The following CARMIL1 variants were observed in gnomAD, a reference collection of about 807,000 sequenced individuals.
CARMIL1 encodes the protein F-actin-uncapping protein LRRC16A.
CARMIL1 carries 90 observed loss-of-function variants against 177.1 expected under a neutral mutation model. The ratio of observed to expected loss-of-function variants is 0.51; its 90% confidence interval spans 0.43 to 0.61. CARMIL1 has a LOEUF of 0.61. Ranked by LOEUF, CARMIL1 falls within the 20% of genes least tolerant of loss-of-function variation. The pLI, the probability that CARMIL1 is intolerant of heterozygous loss-of-function variation, is 0.00. For synonymous variants in CARMIL1, 577 were observed against 606.2 expected, an observed-to-expected ratio of 0.95 and a Z score of 0.71; for missense variants, 1,380 against 1,667.0, an observed-to-expected ratio of 0.83 and a Z score of 3.00.
Position 25,488,561 on chromosome 6 carries a change from C to T in CARMIL1, c.1041C>T (p.Asn347=), listed in dbSNP as rs768561312. ...STLVHLDLSG[N]VLRGDDLSHM... is the part of the protein sequence containing the mutation. ...TTGTCCACCTCGACCTCTCAGGGAACGTCCTTCGTGGAGATGACCTCTCAG... is the reference window on the plus strand; with the variant it reads ...TTGTCCACCTCGACCTCTCAGGGAATGTCCTTCGTGGAGATGACCTCTCAG... The change falls in exon 13 of 37, where the codon AAC becomes AAT. Residue 347 remains asparagine, a synonymous_variant. Coordinates refer to ENST00000329474, the MANE Select transcript of CARMIL1 (RefSeq NM_017640.6). 2.1e-5 allele frequency: 34 copies of T among 1,613,776 alleles called. No homozygotes were observed. The highest frequency in any genetic ancestry group is 3.3e-5 in the South Asian group (3 of 91,090).
intron 29 of CARMIL1, among the ~76,000 whole-genome samples, chr6:25,565,129 A>G (rs1811440258): frequency 6.6e-6 from 1 of 152,254 alleles, no homozygotes; most frequent in Admixed American, 6.5e-5. Flanking sequence ...AAGACAGAAC[A>G]GTGCAATTTG....
At chr6:25,313,435 A>G (rs1054418897) in intron 2 of CARMIL1, among the ~76,000 whole-genome samples, 4 of 152,026 alleles carry the variant, frequency 2.6e-5, no homozygotes, top group Admixed American at 2.6e-4. Flanking sequence ...TGCTATCCTT[A>G]TCATTTTATA....
intron 8 of CARMIL1, chr6:25,465,658 T>G (rs576868873): frequency 3.9e-5 from 20 of 509,290 alleles, no homozygotes; most frequent in Non-Finnish European, 6.6e-5. Flanking sequence ...CCTTTGGAAG[T>G]AGGAAACAGA....
chr6:25,310,150 C>T (rs561886673), intron 2 of CARMIL1, among the ~76,000 whole-genome samples: 5 of 152,226 alleles, frequency 3.3e-5, no homozygotes, highest in Admixed American at 2.0e-4. Flanking sequence ...CTCTTATGAG[C>T]GTGCATACAA....
chr6:25,481,513 G>T (rs2150969264), intron 11 of CARMIL1, among the ~76,000 whole-genome samples: 1 of 152,150 alleles, frequency 6.6e-6, no homozygotes, highest in East Asian at 1.9e-4. Flanking sequence ...CATGCCCCTG[G>T]GGAAATGATG....
At chr6:25,378,889 T>TA (rs34179371) in intron 2 of CARMIL1, among the ~76,000 whole-genome samples, 71,025 of 145,938 alleles carry the variant, frequency 0.49, 17,072 homozygotes, top group African/African-American at 0.53. Context: ...TCTTGGGGAT[T>TA]AAAAAAAAAA....
chr6:25,302,918 T>C (rs187177230), intron 2 of CARMIL1, among the ~76,000 whole-genome samples: 12 of 152,222 alleles, frequency 7.9e-5, no homozygotes, highest in Admixed American at 7.8e-4. Context: ...AAGAGTGTCG[T>C]GTCTCCCTGT....
At chr6:25,421,955 G>A (rs1469175663) in intron 3 of CARMIL1, among the ~76,000 whole-genome samples, 4 of 151,156 alleles carry the variant, frequency 2.6e-5, no homozygotes, top group South Asian at 2.1e-4. Flanking sequence ...CACCAACATG[G>A]CACATGTATA....
chr6:25,338,078 G>A (rs996526497), intron 2 of CARMIL1, among the ~76,000 whole-genome samples: 4 of 151,970 alleles, frequency 2.6e-5, no homozygotes, highest in Non-Finnish European at 4.4e-5. Context: ...CCAACATGGC[G>A]AAACCCCGTC....
intron 26 of CARMIL1, among the ~76,000 whole-genome samples, chr6:25,542,106 T>C (rs1042417874): frequency 6.6e-6 from 1 of 152,260 alleles, no homozygotes; most frequent in Non-Finnish European, 1.5e-5. Context: ...TATTCCATAC[T>C]GAAAATTGGC....
At chr6:25,445,759 C>T (rs1173151104) in intron 5 of CARMIL1, among the ~76,000 whole-genome samples, 3 of 151,106 alleles carry the variant, frequency 2.0e-5, no homozygotes, top group South Asian at 2.1e-4. Context: ...GGGATGGTCT[C>T]GATCTCCTGA....
In CARMIL1 at chr6:25,472,485, A is replaced by C; in HGVS notation, c.838A>C (p.Thr280Pro). The C allele has an allele frequency of 6.3e-7, 1 of 1,583,340 alleles. No individual in the cohort carries two copies. Among genetic ancestry groups the C allele is most frequent in the Non-Finnish European group, 8.6e-7 (1 of 1,163,896 alleles). ...LAHNPNSGLH[T>P]INLAGNPLED... ...ACATAATCCCAACTCAGGACTCCAC[A>C]CAATTAACCTTGCTGGCAACCCACT... The change falls in exon 11 of 37, where the codon ACA (threonine) becomes CCA (proline). Residue 280 changes from threonine (T) to proline (P), a missense_variant. By Grantham distance (38) the Thr-to-Pro change is conservative (BLOSUM62 -1). Coordinates refer to ENST00000329474, the MANE Select transcript of CARMIL1 (RefSeq NM_017640.6).
At chr6:25,572,085 T>C (rs1041186001) in intron 29 of CARMIL1, among the ~76,000 whole-genome samples, 14 of 152,176 alleles carry the variant, frequency 9.2e-5, no homozygotes, top group African/African-American at 3.1e-4. Context: ...TTGATAATAA[T>C]GTATGGTTAT....
At chr6:25,504,038 G>T (rs1341669359) in intron 17 of CARMIL1, among the ~76,000 whole-genome samples, 1 of 152,116 alleles carries the variant, frequency 6.6e-6, no homozygotes, top group Non-Finnish European at 1.5e-5. Context: ...AGAAGCTATT[G>T]TGAGATACCT....
chr6:25,486,035 C>T (rs950983709), intron 12 of CARMIL1, among the ~76,000 whole-genome samples: 3 of 151,892 alleles, frequency 2.0e-5, no homozygotes, highest in Non-Finnish European at 4.4e-5. Context: ...GGATTTCTAG[C>T]AAATGTCCTG....
chr6:25,520,464 T>C, intron 23 of CARMIL1, 127 bp downstream of exon 23: 1 of 608,452 alleles, frequency 1.6e-6, no homozygotes, highest in Non-Finnish European at 2.9e-6. Context: ...TTTTTCACAT[T>C]GTCTTATGTT....
Position 25,606,356 on chromosome 6 carries a change from A to C in CARMIL1, c.3847+83A>C, listed in dbSNP as rs371676922. The C allele has an allele frequency of 2.2e-3, 2,937 of 1,327,138 alleles. 78 individuals are homozygous for C. In the South Asian group the frequency reaches 0.032, roughly 14 times the overall value. The allele number at this position is 1,327,138 out of a possible 1,614,324, so 82.2% of individuals were successfully genotyped here. ...TGGATCAGACTCTGCAGGTGGTTTC[A>C]GGGGCAGCTGGTGAGCGAGGTACAG... On this transcript the variant is annotated intron_variant, in intron 35 of 36. Transcript: ENST00000329474.
At chr6:25,409,398 C>T (rs888967301) in intron 2 of CARMIL1, among the ~76,000 whole-genome samples, 1 of 152,164 alleles carries the variant, frequency 6.6e-6, no homozygotes, top group Non-Finnish European at 1.5e-5. Flanking sequence ...ATGCTCAGCA[C>T]TTGATAGGTT....
Position 25,577,271 on chromosome 6 carries a change from A to G in CARMIL1, c.2743-3653A>G, listed in dbSNP as rs1358197260. ...AGGATACAAACATTCAAGAGGAGAC[A>G]AGTGCTTATTCCACTCATGTAATAA... On this transcript the variant is annotated intron_variant, in intron 29 of 36. Coordinates refer to ENST00000329474, the MANE Select transcript of CARMIL1 (RefSeq NM_017640.6). This position sits in a 1 kb window ranked among gnomAD's most constrained non-coding sequence, Gnocchi z 4.5. 8.9e-6 allele frequency: 2 copies of G among 225,146 alleles called. No homozygotes were observed. The highest frequency in any genetic ancestry group is 1.3e-4 in the Admixed American group (2 of 15,356). 13.9% of individuals were successfully genotyped at this position (225,146 alleles called of 1,614,324 possible).
Sources: allele counts gnomAD v4.1 joint callset (sites outside exome capture counted in the v4.1 genomes callset), GRCh38; gene constraint gnomAD v4.1.1; non-coding constraint Gnocchi (gnomAD v3.1); transcripts MANE v1.5; gene names NCBI Gene and HGNC (gene_info 2026-07-23, HGNC 2026-07-21).